Variants in HSD17B12 observed in about 807,000 individuals in gnomAD.
The protein encoded by HSD17B12 is very-long-chain 3-oxoacyl-CoA reductase.
Under a neutral mutation model 39.3 loss-of-function variants are expected in HSD17B12, and 32 were observed. The observed-to-expected ratio is 0.81, with a 90% CI of 0.61 to 1.09. HSD17B12 has a LOEUF of 1.09. HSD17B12 is among the 50% of genes least tolerant of loss of function. The pLI, the probability that HSD17B12 is intolerant of heterozygous loss-of-function variation, is 0.00. For synonymous variants in HSD17B12, 150 were observed against 146.7 expected, an observed-to-expected ratio of 1.02 and a Z score of -0.16; for missense variants, 342 against 382.9, an observed-to-expected ratio of 0.89 and a Z score of 0.89.
the HSD17B12 span, among the ~76,000 whole-genome samples, chr11:43,638,171 T>C: frequency 2.6e-5 from 4 of 152,336 alleles, no homozygotes; most frequent in South Asian, 6.2e-4. Flanking sequence ...TAGACACATA[T>C]AGAATGTTCG....
chr11:43,660,369 A>G, the HSD17B12 span, among the ~76,000 whole-genome samples: 1 of 152,214 alleles, frequency 6.6e-6, no homozygotes, highest in Non-Finnish European at 1.5e-5. Context: ...GTTACTTCAC[A>G]AACTAAGATA....
intron 4 of HSD17B12, among the ~76,000 whole-genome samples, chr11:43,810,367 T>TTATATATATATATATATATATATATATA (rs59970877): frequency 5.0e-5 from 3 of 59,652 alleles, no homozygotes; most frequent in African/African-American, 2.0e-4. Flanking sequence ...AATTTAGAAA[T>TTATATATATATATATATATATATATATA]TATATATATA....
the HSD17B12 span, among the ~76,000 whole-genome samples, chr11:43,596,369 A>C: frequency 6.6e-6 from 1 of 151,542 alleles, no homozygotes; most frequent in Admixed American, 6.6e-5. Flanking sequence ...AAACAAACAG[A>C]AAAAAAAAGA....
the HSD17B12 span, among the ~76,000 whole-genome samples, chr11:43,632,682 T>C: frequency 3.3e-5 from 5 of 152,222 alleles, no homozygotes; most frequent in African/African-American, 1.2e-4. Context: ...CCCATGCTGC[T>C]TTTTAGCCCC....
chr11:43,816,530 C>G, intron 6 of HSD17B12, 139 bp downstream of exon 6: 2 of 563,566 alleles, frequency 3.5e-6, no homozygotes, highest in Non-Finnish European at 5.3e-6. Flanking sequence ...GGTCTATTAA[C>G]TTATTTCTTC....
chr11:43,740,025 G>T (rs1408388939), intron 1 of HSD17B12, among the ~76,000 whole-genome samples: 1 of 152,120 alleles, frequency 6.6e-6, no homozygotes, highest in Non-Finnish European at 1.5e-5. Flanking sequence ...AGGCGAATGC[G>T]TTAGAAGGCT....
intron 1 of HSD17B12, among the ~76,000 whole-genome samples, chr11:43,732,772 C>T (rs1458956855): frequency 5.3e-5 from 8 of 152,022 alleles, no homozygotes; most frequent in Non-Finnish European, 8.8e-5. Context: ...TTGAAGTTCA[C>T]GTTATTAATT....
chr11:43,626,443 T>TTCA, the HSD17B12 span, among the ~76,000 whole-genome samples: 1 of 151,898 alleles, frequency 6.6e-6, no homozygotes, highest in Non-Finnish European at 1.5e-5. Flanking sequence ...ATGTTACACA[T>TTCA]TCACTTGTTG....
chr11:43,690,361 CATATATAT>C (rs61646858), intron 1 of HSD17B12, among the ~76,000 whole-genome samples: 32 of 39,392 alleles, frequency 8.1e-4, no homozygotes, highest in African/African-American at 1.8e-3. Flanking sequence ...GGTATTCATA[CATATATAT>C]ATATATATAT....
intron 3 of HSD17B12, chr11:43,754,769 T>C: frequency 3.2e-6 from 2 of 627,374 alleles, no homozygotes; most frequent in Admixed American, 2.6e-5. Flanking sequence ...TTTTTACTCT[T>C]TTTATCTCAG....
At chr11:43,638,129 T>TA in the HSD17B12 span, among the ~76,000 whole-genome samples, 1 of 152,214 alleles carries the variant, frequency 6.6e-6, no homozygotes, top group African/African-American at 2.4e-5. Flanking sequence ...CGGGTGCTTA[T>TA]ATGGCGATAT....
In HSD17B12 at chr11:43,680,801, G is replaced by T. The variant is rs751465454; in HGVS notation, c.-27G>T. ...TCATTCACTCGCTCTTTTCATTCAC[G>T]AAGGTAGTGAGGCCTAGTGGAAAGC... On this transcript the variant is annotated 5_prime_UTR_variant, in exon 1 of 11. Coordinates refer to ENST00000278353, the MANE Select transcript of HSD17B12 (RefSeq NM_016142.3). 74 of 1,594,584 alleles carry T rather than the reference G, an allele frequency of 4.6e-5. No homozygotes were observed. Among genetic ancestry groups the T allele is most frequent in the Non-Finnish European group, 6.3e-5 (73 of 1,162,332 alleles).
chr11:43,690,388 A>T (rs1355741893), intron 1 of HSD17B12, among the ~76,000 whole-genome samples: 1,683 of 11,748 alleles, frequency 0.14, 227 homozygotes, highest in Admixed American at 0.25. Context: ...ATATATATAT[A>T]TATATATATA....
chr11:43,849,347 A>G (rs1397359212), intron 9 of HSD17B12, among the ~76,000 whole-genome samples: 2 of 152,148 alleles, frequency 1.3e-5, no homozygotes, highest in Admixed American at 6.5e-5. Context: ...CTTCACTGCT[A>G]TGCTAAAAAT....
At chr11:43,734,451 G>C in intron 1 of HSD17B12, 1 of 710,370 alleles carries the variant, frequency 1.4e-6, no homozygotes, top group Non-Finnish European at 2.6e-6. Context: ...GCAGGGGACA[G>C]CCTGATCGAG....
the HSD17B12 span, among the ~76,000 whole-genome samples, chr11:43,651,639 G>T: frequency 6.6e-6 from 1 of 152,208 alleles, no homozygotes; most frequent in African/African-American, 2.4e-5. Context: ...GCAGTGCGGT[G>T]GTGCAATCTC....
At chr11:43,755,787 A>C (rs1415598946) in intron 3 of HSD17B12, among the ~76,000 whole-genome samples, 1 of 152,220 alleles carries the variant, frequency 6.6e-6, no homozygotes, top group Non-Finnish European at 1.5e-5. Context: ...TATTGGACAG[A>C]TAGCTTCACT....
chr11:43,749,947 T>C (rs1159406253), intron 1 of HSD17B12, among the ~76,000 whole-genome samples: 1 of 152,124 alleles, frequency 6.6e-6, no homozygotes, highest in Admixed American at 6.5e-5. Flanking sequence ...ATTCCAGAGA[T>C]AAGATATCAT....
chr11:43,834,800 G>A (rs12293107), intron 7 of HSD17B12, among the ~76,000 whole-genome samples: 195 of 152,204 alleles, frequency 1.3e-3, no homozygotes, highest in African/African-American at 4.5e-3. Flanking sequence ...TTTAATGTCT[G>A]GCTTGTGGGA....
Sources: gnomAD v4.1 joint callset for allele counts (sites outside exome capture counted in the v4.1 genomes callset) on GRCh38, gnomAD v4.1.1 for gene constraint, MANE v1.5 for transcripts, NCBI Gene and HGNC (gene_info 2026-07-23, HGNC 2026-07-21) for gene names.